The following PGPEP1L variants were observed in gnomAD, a reference collection of about 807,000 sequenced individuals.
The protein encoded by PGPEP1L is pyroglutamyl-peptidase 1-like protein.
PGPEP1L carries 7 observed loss-of-function variants against 6.0 expected under a neutral mutation model. That is an observed-to-expected ratio of 1.17 (90% CI 0.66 to 2.19). The LOEUF is 2.19. PGPEP1L is among the 30% of genes most tolerant of loss of function. The probability of loss-of-function intolerance (pLI) is 0.00; values close to 1 mark genes in which losing one functional copy is unlikely to be tolerated. For missense variants in PGPEP1L, 209 were observed against 192.5 expected (o/e 1.09, Z -0.51); for synonymous variants, 103 against 83.9 (o/e 1.23, Z -1.24).
chr15:98,995,163 A>T (rs375986400), intron 2 of PGPEP1L, among the ~76,000 whole-genome samples: 1 of 151,906 alleles, frequency 6.6e-6, no homozygotes, highest in African/African-American at 2.4e-5. Flanking sequence ...TCCTTCTGGA[A>T]CTCCTACTAA....
At chr15:98,974,285 A>G (rs1012781561) in intron 2 of PGPEP1L, among the ~76,000 whole-genome samples, 1 of 152,140 alleles carries the variant, frequency 6.6e-6, no homozygotes, top group Admixed American at 6.5e-5. Context: ...AGGCTGAGGT[A>G]GGAGGATTGC....
At position 98,968,567 on chromosome 15, in the gene PGPEP1L, GGAT is replaced by G. The variant is rs778523991; in HGVS notation, c.337_339del (p.Ile113del). 16 of 1,579,948 alleles carry G rather than the reference GGAT, an allele frequency of 1.0e-5. No homozygotes were observed. Among genetic ancestry groups the G allele is most frequent in the East Asian group, 6.9e-5 (3 of 43,500 alleles). ...TTTCCCACCTCTTCCAGCATTTCCT[GGAT>G]GATGACTCTCAAGGCTCTTCCCAGC... On this transcript the variant is annotated inframe_deletion, in exon 5 of 5. Coordinates refer to ENST00000535714, the MANE Select transcript of PGPEP1L (RefSeq NM_001167902.2).
intron 2 of PGPEP1L, among the ~76,000 whole-genome samples, chr15:98,998,329 G>A (rs80173245): frequency 0.011 from 1,705 of 152,272 alleles, 39 homozygotes; most frequent in African/African-American, 0.039. Context: ...CATGGAGGCT[G>A]CAACTGTGCC....
chr15:98,973,589 C>T (rs778558164), intron 2 of PGPEP1L, among the ~76,000 whole-genome samples: 4 of 152,146 alleles, frequency 2.6e-5, no homozygotes, highest in Non-Finnish European at 5.9e-5. Flanking sequence ...TGAAATTAAA[C>T]AGCATGCTCC....
chr15:99,000,110 G>A (rs1477737315), intron 2 of PGPEP1L, among the ~76,000 whole-genome samples: 5 of 152,258 alleles, frequency 3.3e-5, no homozygotes, highest in Admixed American at 3.3e-4. Flanking sequence ...CGAATTCCGG[G>A]TGGGCGTGGG....
intron 2 of PGPEP1L, among the ~76,000 whole-genome samples, chr15:98,988,564 C>T (rs2017779290): frequency 1.3e-5 from 2 of 152,240 alleles, no homozygotes; most frequent in Admixed American, 1.3e-4. Context: ...GTGGGCGCAG[C>T]TTCAGCAGAC....
rs1882033817 is a variant in PGPEP1L at position 98,979,630 on chromosome 15, A to ATTTTT, written c.-141-8473_-141-8472insAAAAA. On this transcript the variant is annotated intron_variant, in intron 2 of 4. Transcript: ENST00000535714. Reference sequence around the variant, plus strand: ...AGCAACCTGGATGGGATTGGAGACTATTCTTTTTTTTTTTTTTTTTTTTTT... The same window carrying ATTTTT: ...AGCAACCTGGATGGGATTGGAGACTATTTTTTTCTTTTTTTTTTTTTTTTTTTTTT... 2.3e-4 allele frequency among the ~76,000 whole-genome samples: 24 copies of ATTTTT among 105,918 alleles called. 3 individuals are homozygous for ATTTTT. Among genetic ancestry groups the ATTTTT allele is most frequent in the East Asian group, 2.7e-4 (1 of 3,718 alleles). 69.5% of individuals were successfully genotyped at this position (105,918 alleles called of 152,430 possible).
intron 2 of PGPEP1L, among the ~76,000 whole-genome samples, chr15:98,975,660 C>T (rs978832796): frequency 6.6e-6 from 1 of 152,266 alleles, no homozygotes; most frequent in South Asian, 2.1e-4. Context: ...ACGGGCGGAT[C>T]ACTTGATGTC....
intron 2 of PGPEP1L, among the ~76,000 whole-genome samples, chr15:98,980,409 G>A (rs1188146591): frequency 1.3e-5 from 2 of 151,366 alleles, no homozygotes; most frequent in Admixed American, 1.3e-4. Flanking sequence ...CAAAATATGA[G>A]AAATAAATAT....
intron 2 of PGPEP1L, among the ~76,000 whole-genome samples, chr15:98,994,282 A>G (rs1310437702): frequency 6.6e-6 from 1 of 152,232 alleles, no homozygotes. Context: ...CAAAAACCTT[A>G]AACTTTGATT....
intron 2 of PGPEP1L, among the ~76,000 whole-genome samples, chr15:98,973,946 C>T (rs1170516917): frequency 6.6e-6 from 1 of 152,094 alleles, no homozygotes; most frequent in Admixed American, 6.6e-5. Context: ...ATCAACAAGC[C>T]TTTAGCTAGA....
At chr15:98,981,600 G>A (rs1252960006) in intron 2 of PGPEP1L, among the ~76,000 whole-genome samples, 1 of 152,142 alleles carries the variant, frequency 6.6e-6, no homozygotes, top group Admixed American at 6.5e-5. Flanking sequence ...ACTTATGAAT[G>A]TGGTGTTCTG....
chr15:98,992,731 A>G (rs1306575329), intron 2 of PGPEP1L, among the ~76,000 whole-genome samples: 2 of 152,250 alleles, frequency 1.3e-5, no homozygotes, highest in Admixed American at 1.3e-4. Context: ...ACAGCATGGT[A>G]CTAGTACCAA....
At chr15:98,972,300 C>A (rs2017507961) in intron 2 of PGPEP1L, among the ~76,000 whole-genome samples, 2 of 152,034 alleles carry the variant, frequency 1.3e-5, no homozygotes, top group African/African-American at 4.8e-5. Flanking sequence ...TTGCAGTGAA[C>A]TGAGATCGTG....
intron 2 of PGPEP1L, among the ~76,000 whole-genome samples, chr15:98,976,311 A>T (rs2017569087): frequency 6.6e-6 from 1 of 152,236 alleles, no homozygotes. Flanking sequence ...CTGACTAAAA[A>T]GTTTGCTCTG....
intron 2 of PGPEP1L, among the ~76,000 whole-genome samples, chr15:98,976,423 T>C (rs1305682396): frequency 1.3e-5 from 2 of 152,238 alleles, no homozygotes; most frequent in African/African-American, 4.8e-5. Flanking sequence ...TTTCCATATC[T>C]GAAAGCCTTC....
chr15:98,999,353 A>G (rs1187889277), intron 2 of PGPEP1L, among the ~76,000 whole-genome samples: 4 of 152,240 alleles, frequency 2.6e-5, no homozygotes, highest in African/African-American at 9.6e-5. Flanking sequence ...ATTAGCTATC[A>G]TAGAAATACA....
intron 2 of PGPEP1L, among the ~76,000 whole-genome samples, chr15:98,971,798 T>C (rs2017501062): frequency 6.6e-6 from 1 of 152,242 alleles, no homozygotes; most frequent in Non-Finnish European, 1.5e-5. Context: ...ACGTCTTAAG[T>C]GTGAGACTAA....
rs544546387 is a variant in PGPEP1L, at chr15:98,969,568, G to A, written c.66C>T (p.Ala22=). ...CCTCGGGCCAGAAGCTGCGGATGTCGGCGTCCCGGTAGCCTTGGTTCTTGC... is the reference window on the plus strand; with the variant it reads ...CCTCGGGCCAGAAGCTGCGGATGTCAGCGTCCCGGTAGCCTTGGTTCTTGC... ...QSGKNQGYRD[A]DIRSFWPEGG... Residue 22 remains alanine, a synonymous_variant, in exon 4 of 5, where the codon GCC becomes GCT. Transcript: ENST00000535714. The A allele has an allele frequency of 7.1e-5, 115 of 1,613,898 alleles. No homozygotes were observed. The highest frequency in any genetic ancestry group is 1.6e-4 in the Middle Eastern group (1 of 6,062).
Sources: gnomAD v4.1 joint callset for allele counts (sites outside exome capture counted in the v4.1 genomes callset) on GRCh38, gnomAD v4.1.1 for gene constraint, MANE v1.5 for transcripts, NCBI Gene and HGNC (gene_info 2026-07-23, HGNC 2026-07-21) for gene names.